Variants in FSTL5 observed in about 807,000 individuals in gnomAD.
FSTL5 encodes the protein follistatin like 5.
In FSTL5, 62 loss-of-function variants were observed where a neutral mutation model predicts 89.1. The observed-to-expected ratio is 0.70, with a 90% CI of 0.57 to 0.86. The LOEUF (loss-of-function observed/expected upper bound fraction) is 0.86. Ranked by LOEUF, FSTL5 falls within the 40% of genes least tolerant of loss-of-function variation. The pLI is 0.00. For synonymous variants in FSTL5, 383 were observed against 346.2 expected (o/e 1.11, Z -1.18); for missense variants, 1,057 against 1,001.6 (o/e 1.06, Z -0.75).
At chr4:161,954,529 C>A (rs1175716530) in intron 3 of FSTL5, among the ~76,000 whole-genome samples, 1 of 151,492 alleles carries the variant, frequency 6.6e-6, no homozygotes, top group Non-Finnish European at 1.5e-5. Flanking sequence ...AGTATGTGTG[C>A]ATGTGTGTAT....
intron 7 of FSTL5, among the ~76,000 whole-genome samples, chr4:161,610,271 T>C (rs761472312): frequency 1.3e-5 from 2 of 152,144 alleles, no homozygotes; most frequent in Non-Finnish European, 2.9e-5. Context: ...AGTGCCCTGT[T>C]GTATGTGTAA....
At chr4:161,519,092 C>T (rs539881430) in intron 10 of FSTL5, among the ~76,000 whole-genome samples, 1 of 152,300 alleles carries the variant, frequency 6.6e-6, no homozygotes, top group Admixed American at 6.5e-5. Context: ...GCCATAATGC[C>T]CTTTATGACC....
At chr4:161,585,137 C>T (rs1187489817) in intron 8 of FSTL5, among the ~76,000 whole-genome samples, 1 of 152,150 alleles carries the variant, frequency 6.6e-6, no homozygotes, top group East Asian at 1.9e-4. Flanking sequence ...GGGAAGCCGC[C>T]TTTCACCAGC....
chr4:161,525,874 T>C (rs761532535), intron 10 of FSTL5, among the ~76,000 whole-genome samples: 8 of 152,192 alleles, frequency 5.3e-5, no homozygotes, highest in Non-Finnish European at 1.0e-4. Context: ...TTATTTTAGG[T>C]ATTTCTCTAC....
intron 2 of FSTL5, among the ~76,000 whole-genome samples, chr4:162,094,891 G>C (rs184451992): frequency 9.1e-4 from 139 of 152,218 alleles, no homozygotes; most frequent in Non-Finnish European, 1.6e-3. Context: ...TTTTGCCTCA[G>C]AGGAAGGAGC....
chr4:161,451,066 C>T (rs1052224698), intron 15 of FSTL5, among the ~76,000 whole-genome samples: 2 of 151,864 alleles, frequency 1.3e-5, no homozygotes, highest in Non-Finnish European at 2.9e-5. Context: ...TTTTTAACAG[C>T]CACTTTTAAT....
chr4:162,135,794 C>T (rs945050816), intron 1 of FSTL5, among the ~76,000 whole-genome samples: 19 of 151,988 alleles, frequency 1.3e-4, no homozygotes, highest in Non-Finnish European at 1.5e-4. Flanking sequence ...ATGATCGAGT[C>T]TTTAATCTTA....
intron 4 of FSTL5, among the ~76,000 whole-genome samples, chr4:161,843,615 A>C: frequency 6.6e-6 from 1 of 152,138 alleles, no homozygotes; most frequent in East Asian, 1.9e-4. Flanking sequence ...AATGGACCGG[A>C]AAAGAGGCCT....
chr4:161,733,478 T>C (rs1739685922), intron 6 of FSTL5, among the ~76,000 whole-genome samples: 1 of 152,032 alleles, frequency 6.6e-6, no homozygotes, highest in Non-Finnish European at 1.5e-5. Flanking sequence ...GCTTTTCATG[T>C]CCCTTTCTAT....
chr4:161,993,151 T>C lies in FSTL5; in HGVS notation c.160+40474A>G, dbSNP rs558652891. ...TAAAAATATATTTATTTGTCAATAC[T>C]TATTTATCTTTTTAATAATTCAGGG... On this transcript the variant is annotated intron_variant, in intron 3 of 15. Transcript: ENST00000306100. Among the ~76,000 whole-genome samples the C allele has an allele frequency of 9.5e-4, 144 of 151,414 alleles. 1 individual carries two copies. Among genetic ancestry groups the C allele is most frequent in the Non-Finnish European group, 1.3e-3 (91 of 67,844 alleles).
intron 8 of FSTL5, among the ~76,000 whole-genome samples, chr4:161,581,471 T>A (rs1427396522): frequency 6.6e-6 from 1 of 152,158 alleles, no homozygotes; most frequent in Non-Finnish European, 1.5e-5. Flanking sequence ...GCTAGGACGG[T>A]TTACCACACC....
intron 10 of FSTL5, among the ~76,000 whole-genome samples, chr4:161,512,607 C>T (rs1730686814): frequency 6.6e-6 from 1 of 151,850 alleles, no homozygotes; most frequent in African/African-American, 2.4e-5. Context: ...TATCAAAGCA[C>T]CACTATTTTA....
At chr4:161,702,693 TC>T (rs1245579927) in intron 6 of FSTL5, among the ~76,000 whole-genome samples, 1 of 152,152 alleles carries the variant, frequency 6.6e-6, no homozygotes, top group African/African-American at 2.4e-5. Flanking sequence ...GTCATAGCAC[TC>T]ATGTCCCCCA....
intron 4 of FSTL5, among the ~76,000 whole-genome samples, chr4:161,871,444 A>C (rs1031127111): frequency 1.3e-5 from 2 of 152,230 alleles, no homozygotes; most frequent in South Asian, 2.1e-4. Context: ...TTATCAGAAT[A>C]ATTGTTGCAA....
At chr4:162,043,549 A>C (rs1738055180) in intron 2 of FSTL5, among the ~76,000 whole-genome samples, 1 of 152,088 alleles carries the variant, frequency 6.6e-6, no homozygotes. Flanking sequence ...GTGGTTGTTG[A>C]AGGTTAGGGT....
At chr4:161,808,369 C>CT (rs1560857458) in intron 4 of FSTL5, among the ~76,000 whole-genome samples, 1 of 152,152 alleles carries the variant, frequency 6.6e-6, no homozygotes, top group Non-Finnish European at 1.5e-5. Flanking sequence ...TACAGAGTCC[C>CT]TGTACAGATA....
intron 2 of FSTL5, among the ~76,000 whole-genome samples, chr4:162,070,997 A>G (rs987702756): frequency 6.6e-6 from 1 of 151,744 alleles, no homozygotes; most frequent in Non-Finnish European, 1.5e-5. Context: ...TACACAAATG[A>G]GAAAGAGAAA....
At chr4:161,645,014 C>A (rs1736104402) in intron 7 of FSTL5, among the ~76,000 whole-genome samples, 1 of 152,122 alleles carries the variant, frequency 6.6e-6, no homozygotes, top group East Asian at 1.9e-4. Context: ...AGAAACACTG[C>A]AAGTACATAG....
chr4:161,992,884 A>G (rs374130693), intron 3 of FSTL5, among the ~76,000 whole-genome samples: 59 of 21,430 alleles, frequency 2.8e-3, no homozygotes, highest in African/African-American at 5.6e-3. Flanking sequence ...ATATATATAT[A>G]TATATATATA....
Sources: gnomAD v4.1 joint callset for allele counts (sites outside exome capture counted in the v4.1 genomes callset) on GRCh38, gnomAD v4.1.1 for gene constraint, MANE v1.5 for transcripts, NCBI Gene and HGNC (gene_info 2026-07-23, HGNC 2026-07-21) for gene names.